DNAH9: variants seen among roughly 807,000 people sequenced by gnomAD.
DNAH9 encodes dynein axonemal heavy chain 9.
In DNAH9, 345 loss-of-function variants were observed where a neutral mutation model predicts 471.6. The observed-to-expected ratio is 0.73, with a 90% CI of 0.67 to 0.80. DNAH9 has a LOEUF of 0.80. Ranked by LOEUF, DNAH9 falls within the 30% of genes least tolerant of loss-of-function variation. The pLI is 0.00. For missense variants in DNAH9, 5,407 were observed against 5,609.2 expected (o/e 0.96, Z 1.15); for synonymous variants, 2,093 against 2,123.6 (o/e 0.99, Z 0.40).
At chr17:11,684,232 C>T (rs957074049) in intron 19 of DNAH9, among the ~76,000 whole-genome samples, 5 of 152,032 alleles carry the variant, frequency 3.3e-5, no homozygotes, top group Non-Finnish European at 7.4e-5. Context: ...TGAATGTTCT[C>T]GTGTTTGAGG....
chr17:11,669,672 C>T lies in DNAH9; in HGVS notation c.3231C>T (p.Pro1077=). The T allele has an allele frequency of 1.2e-5, 19 of 1,614,174 alleles. No individual in the cohort carries two copies. The highest frequency in any genetic ancestry group is 1.6e-5 in the Non-Finnish European group (19 of 1,180,016). The change falls in exon 17 of 69, where the codon CCC becomes CCT. Residue 1077 remains proline (P), a synonymous_variant. Transcript: ENST00000262442. ...TLYEEVCRLE[P]IKVFDGWMKI... ...ATGAAGAGGTGTGCAGGCTGGAACC[C>T]ATCAAGGTGTTTGACGGCTGGATGA...
chr17:11,729,222 C>T lies in DNAH9; in HGVS notation c.5814+1300C>T, dbSNP rs73292632. Among the ~76,000 whole-genome samples, 392 of 152,242 alleles carry T rather than the reference C, an allele frequency of 2.6e-3. 1 individual carries two copies. The highest frequency in any genetic ancestry group is 8.8e-3 in the African/African-American group (367 of 41,552). ...GCAGCTGCACAGGCTCCATTCCCCC[C>T]AGGAACCCCATCTCCAAGATAAAGC... On this transcript the variant is annotated intron_variant, in intron 28 of 68. Transcript: ENST00000262442.
At chr17:11,741,716 G>A (rs1480262368) in intron 29 of DNAH9, among the ~76,000 whole-genome samples, 1 of 152,138 alleles carries the variant, frequency 6.6e-6, no homozygotes, top group African/African-American at 2.4e-5. Context: ...AGGATTAGAG[G>A]AGACACACAT....
At chr17:11,859,411 CAAAAA>C (rs34446360) in intron 50 of DNAH9, among the ~76,000 whole-genome samples, 177 of 131,440 alleles carry the variant, frequency 1.3e-3, no homozygotes, top group Middle Eastern at 4.0e-3. Flanking sequence ...GACTCCGTCT[CAAAAA>C]AAAAAAAAAA....
rs936621895 is a variant in DNAH9, at chr17:11,969,622, G to C, written c.*95G>C. 1.3e-5 allele frequency: 13 copies of C among 1,017,300 alleles called. No individual in the cohort carries two copies. In the Admixed American group the frequency reaches 3.7e-4, roughly 29 times the overall value. 63.0% of individuals were successfully genotyped at this position (1,017,300 alleles called of 1,614,324 possible). On this transcript the variant is annotated 3_prime_UTR_variant, in exon 69 of 69. Coordinates refer to ENST00000262442, the MANE Select transcript of DNAH9 (RefSeq NM_001372.4). ...AGGGTCACCACAGACACTTAGAACG[G>C]TAAGAAACCATGAGCACTCACAATT...
At chr17:11,858,187 A>G (rs4791479) in intron 50 of DNAH9, among the ~76,000 whole-genome samples, 141,816 of 152,220 alleles carry the variant, frequency 0.93, 66,522 homozygotes, top group African/African-American at 0.96. Context: ...GTAAGAACAA[A>G]GGAGGCATTT....
At chr17:11,698,601 G>T (rs774849435) in intron 22 of DNAH9, among the ~76,000 whole-genome samples, 98 of 151,902 alleles carry the variant, frequency 6.5e-4, no homozygotes, top group Admixed American at 1.1e-3. Context: ...TCTTAGATTT[G>T]TCCTCTCATC....
chr17:11,757,523 A>T (rs745343357), intron 34 of DNAH9, 22 bp from the exon 35 acceptor site: 13 of 1,603,346 alleles, frequency 8.1e-6, no homozygotes, highest in Non-Finnish European at 1.1e-5. Context: ...TATTCACTAA[A>T]CTGTATTCTC....
chr17:11,834,990 T>C (rs1279526175), intron 49 of DNAH9, 92 bp downstream of exon 49: 1 of 1,494,226 alleles, frequency 6.7e-7, no homozygotes, highest in Non-Finnish European at 9.0e-7. Context: ...AAGGACAATG[T>C]TGGGAGAGTT....
At chr17:11,877,239 G>T (rs575383950) in intron 53 of DNAH9, among the ~76,000 whole-genome samples, 1 of 151,458 alleles carries the variant, frequency 6.6e-6, no homozygotes. Context: ...TTGGGAGGCC[G>T]AGGCGAGCAG....
At chr17:11,693,308 G>A (rs575985396) in intron 20 of DNAH9, among the ~76,000 whole-genome samples, 5 of 130,334 alleles carry the variant, frequency 3.8e-5, no homozygotes, top group East Asian at 2.3e-4. Context: ...ACAGTGGCAC[G>A]ATCTTGGCTC....
chr17:11,646,969 GT>G, intron 11 of DNAH9, 102 bp from the exon 12 acceptor site: 1 of 1,222,650 alleles, frequency 8.2e-7, no homozygotes, highest in African/African-American at 1.5e-5. Flanking sequence ...GCCTGGTTGG[GT>G]CAATGACTAG....
chr17:11,738,780 G>A, intron 28 of DNAH9, 100 bp from the exon 29 acceptor site: 1 of 1,037,894 alleles, frequency 9.6e-7, no homozygotes, highest in Non-Finnish European at 1.5e-6. Context: ...CCACAGGACA[G>A]TTCTTCGTGC....
chr17:11,941,608 C>T (rs1352353943), intron 66 of DNAH9, among the ~76,000 whole-genome samples: 1 of 152,040 alleles, frequency 6.6e-6, no homozygotes, highest in Non-Finnish European at 1.5e-5. Flanking sequence ...AGGAGGTTTA[C>T]ATGATAGATG....
At chr17:11,812,559 G>A (rs558784613) in intron 45 of DNAH9, among the ~76,000 whole-genome samples, 1 of 152,182 alleles carries the variant, frequency 6.6e-6, no homozygotes, top group Admixed American at 6.5e-5. Context: ...AAGAGCCACT[G>A]GTCCCTGGTC....
chr17:11,763,680 C>G, intron 36 of DNAH9, 66 bp downstream of exon 36: 1 of 1,473,184 alleles, frequency 6.8e-7, no homozygotes, highest in East Asian at 2.3e-5. Context: ...GATCCTTTAG[C>G]AAAGATTTGG....
intron 26 of DNAH9, among the ~76,000 whole-genome samples, chr17:11,716,627 T>C (rs916324370): frequency 6.6e-6 from 1 of 152,170 alleles, no homozygotes; most frequent in African/African-American, 2.4e-5. Context: ...ATGGACCCAG[T>C]CCCATGTATT....
chr17:11,747,650 A>G lies in DNAH9; in HGVS notation c.6494A>G (p.His2165Arg), dbSNP rs771295352. The G allele has an allele frequency of 6.2e-7, 1 of 1,614,110 alleles. No homozygotes were observed. Among genetic ancestry groups the G allele is most frequent in the Non-Finnish European group, 8.5e-7 (1 of 1,179,990 alleles). ...AAGTCACAGGTGCTGAGGTCCTTGC[A>G]CAAGACCTATCAGATCATGAAACGG... ...TGKSQVLRSLHKTYQIMKRRP... is the reference protein window; with the variant it reads ...TGKSQVLRSLRKTYQIMKRRP... The change falls in exon 32 of 69, where the codon CAC becomes CGC. Residue 2165 changes from histidine (H) to arginine (R), a missense_variant. This residue lies in a region of DNAH9 where 4,636 missense variants were observed against 4,900.3 expected (regional missense o/e 0.95). Transcript: ENST00000262442.
At chr17:11,613,826 T>C (rs936957937) in intron 4 of DNAH9, among the ~76,000 whole-genome samples, 1 of 152,164 alleles carries the variant, frequency 6.6e-6, no homozygotes, top group African/African-American at 2.4e-5. Flanking sequence ...TGCCTGAAAT[T>C]TGGGGCTCTG....
Sources: gnomAD v4.1 joint callset for allele counts (sites outside exome capture counted in the v4.1 genomes callset) on GRCh38, gnomAD v4.1.1 for gene constraint, gnomAD v4.1.1 regional missense constraint, MANE v1.5 for transcripts, NCBI Gene and HGNC (gene_info 2026-07-23, HGNC 2026-07-21) for gene names.